The following SATL1 variants were observed in gnomAD, a reference collection of about 807,000 sequenced individuals.
The protein encoded by SATL1 is spermidine/spermine N(1)-acetyltransferase-like protein 1.
In SATL1, 47 loss-of-function variants were observed where a neutral mutation model predicts 51.8. The observed-to-expected ratio is 0.91, with a 90% CI of 0.72 to 1.16. The LOEUF (loss-of-function observed/expected upper bound fraction) is 1.16, where lower values mean the gene tolerates loss of function less well. Ranked by LOEUF, SATL1 falls within the 50% of genes most tolerant of loss-of-function variation. SATL1 has a pLI of 0.00. For synonymous variants in SATL1, 176 were observed against 182.4 expected (o/e 0.97, Z 0.28); for missense variants, 520 against 526.4 (o/e 0.99, Z 0.12).
At chrX:85,133,781 T>G (rs1299060746) in intron 2 of SATL1, among the ~76,000 whole-genome samples, 1 of 112,230 alleles carries the variant, frequency 8.9e-6, no homozygotes, top group Non-Finnish European at 1.9e-5. Context: ...TTGGCCATCT[T>G]GGACCAATCC....
Position 85,203,091 on chromosome X carries a change from C to T in SATL1, c.-313+21114G>A, listed in dbSNP as rs1233080203. 3.6e-5 allele frequency among the ~76,000 whole-genome samples: 4 copies of T among 111,275 alleles called. No homozygotes were observed. The East Asian group carries it at 1.1e-3, about 32-fold the overall frequency. On this transcript the variant is annotated intron_variant, in intron 2 of 7. Coordinates refer to ENST00000644105, the MANE Select transcript of SATL1 (RefSeq NM_001367857.2). ...TAGGGCTGCTGCGGTATGCTTGGGG[C>T]CTGTTCCAGTCCCTAGTCACCTCGG...
intron 2 of SATL1, among the ~76,000 whole-genome samples, chrX:85,176,315 C>A (rs1927080526): frequency 8.9e-6 from 1 of 111,745 alleles, no homozygotes; most frequent in Non-Finnish European, 1.9e-5. Flanking sequence ...ATGGCAATTA[C>A]AAATGCATAT....
intron 2 of SATL1, among the ~76,000 whole-genome samples, chrX:85,154,876 T>C (rs1486071255): frequency 8.9e-6 from 1 of 112,246 alleles, no homozygotes; most frequent in East Asian, 2.8e-4. Context: ...ATTGGTAAAT[T>C]CGAATTAGCA....
chrX:85,159,510 G>T (rs982737665), intron 2 of SATL1, among the ~76,000 whole-genome samples: 10 of 111,301 alleles, frequency 9.0e-5, no homozygotes, highest in African/African-American at 2.9e-4. Context: ...ATCCCCACCT[G>T]ACTGCCCTAC....
intron 2 of SATL1, among the ~76,000 whole-genome samples, chrX:85,151,040 A>T (rs1356641713): frequency 1.8e-5 from 2 of 110,420 alleles, no homozygotes; most frequent in East Asian, 2.8e-4. Flanking sequence ...CTGTTTGCAG[A>T]TGACATGATT....
At chrX:85,127,914 T>C (rs754988908) in intron 2 of SATL1, among the ~76,000 whole-genome samples, 9 of 111,052 alleles carry the variant, frequency 8.1e-5, no homozygotes, top group African/African-American at 2.3e-4. Flanking sequence ...TCTGTCCTTG[T>C]GATAATCTGC....
At chrX:85,224,996 T>C (rs181274554) in intron 1 of SATL1, among the ~76,000 whole-genome samples, 101 of 111,049 alleles carry the variant, frequency 9.1e-4, no homozygotes, top group Non-Finnish European at 1.4e-3. Context: ...CCAAAGATTA[T>C]GCTAAGTGAA....
intron 2 of SATL1, among the ~76,000 whole-genome samples, chrX:85,208,573 A>C (rs1474732527): frequency 9.0e-6 from 1 of 111,637 alleles, no homozygotes; most frequent in African/African-American, 3.3e-5. Context: ...TTGTTTCCTG[A>C]CTTTTTAATG....
At position 85,105,125 on chromosome X, in the gene SATL1, G is replaced by T. The variant is rs138316113; in HGVS notation, c.1642-1210C>A. ...ATGTGAAAATTTGGAGATTTTGACT[G>T]GAATTGCATTAAACTTTTAATGGAA... On this transcript the variant is annotated intron_variant, in intron 3 of 7. Coordinates refer to ENST00000644105, the MANE Select transcript of SATL1 (RefSeq NM_001367857.2). Among the ~76,000 whole-genome samples, 667 of 111,447 alleles carry T rather than the reference G, an allele frequency of 6.0e-3. 4 individuals carry two copies. Among genetic ancestry groups the T allele is most frequent in the African/African-American group, 0.021 (632 of 30,749 alleles).
At chrX:85,158,430 G>A (rs904073973) in intron 2 of SATL1, among the ~76,000 whole-genome samples, 2 of 111,722 alleles carry the variant, frequency 1.8e-5, no homozygotes, top group Admixed American at 1.9e-4. Context: ...ACAGAAAGGG[G>A]TGCTCCATAG....
rs1179302975 is a variant in SATL1 at position 85,107,354 on chromosome X, A to G, written c.1615T>C (p.Cys539Arg). The change falls in exon 3 of 8, where the codon TGC (cysteine) becomes CGC (arginine). Residue 539 changes from cysteine (C) to arginine (R), a missense_variant. By Grantham distance (180) the Cys-to-Arg change is radical (BLOSUM62 -3). Transcript: ENST00000644105. ...FQIRHAEAGD[C>R]PEILRLIKEL... ...TTAATCAGTCGCAAAATTTCTGGGC[A>G]GTCTCCAGCCTCTGCATGTCTTATT... 1.7e-6 allele frequency: 2 copies of G among 1,210,509 alleles called. No homozygotes were observed. Among genetic ancestry groups the G allele is most frequent in the African/African-American group, 1.7e-5 (1 of 57,432 alleles).
chrX:85,131,252 A>G (rs1378629338), intron 2 of SATL1, among the ~76,000 whole-genome samples: 1 of 111,377 alleles, frequency 9.0e-6, no homozygotes, highest in Non-Finnish European at 1.9e-5. Context: ...TGGGGTGTTA[A>G]AGTCTTCTAC....
chrX:85,208,670 C>T (rs1927841991), intron 2 of SATL1: 1 of 112,371 alleles, frequency 8.9e-6, no homozygotes, highest in Admixed American at 9.4e-5. Flanking sequence ...AGCATCTTTT[C>T]TTCTGTCTGC....
intron 2 of SATL1, among the ~76,000 whole-genome samples, chrX:85,163,788 A>G (rs1926774083): frequency 8.9e-6 from 1 of 111,899 alleles, no homozygotes; most frequent in South Asian, 3.7e-4. Flanking sequence ...GTTCTGGGGT[A>G]TAGTTTAAGT....
intron 2 of SATL1, among the ~76,000 whole-genome samples, chrX:85,120,627 T>C (rs954604108): frequency 8.9e-5 from 10 of 111,965 alleles, no homozygotes; most frequent in Non-Finnish European, 1.9e-4. Flanking sequence ...TGAAAAATCA[T>C]AGCCATAAAC....
At chrX:85,110,538 G>A (rs1925235737) in intron 2 of SATL1, among the ~76,000 whole-genome samples, 2 of 111,740 alleles carry the variant, frequency 1.8e-5, no homozygotes, top group Admixed American at 9.5e-5. Context: ...ACCCTGTGAT[G>A]CATGTACCGT....
At chrX:85,208,404 GGGT>G (rs1927835884) in intron 2 of SATL1, among the ~76,000 whole-genome samples, 1 of 111,279 alleles carries the variant, frequency 9.0e-6, no homozygotes, top group East Asian at 2.8e-4. Flanking sequence ...ATAATCCTTT[GGGT>G]ATATACCCAG....
At chrX:85,152,697 C>T (rs1205813204) in intron 2 of SATL1, among the ~76,000 whole-genome samples, 1 of 111,235 alleles carries the variant, frequency 9.0e-6, no homozygotes, top group African/African-American at 3.3e-5. Context: ...AATCATCATT[C>T]TCAGTAAACT....
intron 2 of SATL1, among the ~76,000 whole-genome samples, chrX:85,133,398 C>T (rs749660449): frequency 2.7e-5 from 3 of 112,108 alleles, no homozygotes; most frequent in African/African-American, 9.7e-5. Context: ...CTTGCCACCT[C>T]ACAGTTCGAT....
Sources: allele counts gnomAD v4.1 joint callset (sites outside exome capture counted in the v4.1 genomes callset), GRCh38; gene constraint gnomAD v4.1.1; transcripts MANE v1.5; gene names NCBI Gene and HGNC (gene_info 2026-07-23, HGNC 2026-07-21).